B3GAT2: variants seen among roughly 807,000 people sequenced by gnomAD.
B3GAT2 encodes galactosylgalactosylxylosylprotein 3-beta-glucuronosyltransferase 2.
B3GAT2 carries 26 observed loss-of-function variants against 27.8 expected under a neutral mutation model. That is an observed-to-expected ratio of 0.93 (90% CI 0.68 to 1.30). The LOEUF is 1.30. B3GAT2 is among the 50% of genes most tolerant of loss of function. The pLI, the probability that B3GAT2 is intolerant of heterozygous loss-of-function variation, is 0.00. For missense variants in B3GAT2, 458 were observed against 459.0 expected (o/e 1.00, Z 0.02); for synonymous variants, 218 against 195.1 (o/e 1.12, Z -0.98).
At chr6:70,952,990 C>G (rs986567431) in intron 1 of B3GAT2, among the ~76,000 whole-genome samples, 1 of 152,162 alleles carries the variant, frequency 6.6e-6, no homozygotes, top group African/African-American at 2.4e-5. Flanking sequence ...CCAATACTTA[C>G]GGAGCTAATT....
At chr6:70,919,921 ACTG>A (rs1006297620) in intron 1 of B3GAT2, among the ~76,000 whole-genome samples, 1 of 152,100 alleles carries the variant, frequency 6.6e-6, no homozygotes, top group Non-Finnish European at 1.5e-5. Flanking sequence ...TGGGAGAACC[ACTG>A]CTTTCTTCAG....
chr6:70,937,273 CAA>C (rs1386950497), intron 1 of B3GAT2, among the ~76,000 whole-genome samples: 3 of 150,944 alleles, frequency 2.0e-5, no homozygotes, highest in Non-Finnish European at 3.0e-5. Flanking sequence ...GCTTACCAAC[CAA>C]AAAGAGTCCA....
At chr6:70,954,837 A>G (rs1339573528) in intron 1 of B3GAT2, among the ~76,000 whole-genome samples, 1 of 142,024 alleles carries the variant, frequency 7.0e-6, no homozygotes, top group East Asian at 2.2e-4. Context: ...TCTCATTTGC[A>G]GGCTACACAC....
At chr6:70,936,611 G>A (rs1028215209) in intron 1 of B3GAT2, among the ~76,000 whole-genome samples, 4 of 151,916 alleles carry the variant, frequency 2.6e-5, no homozygotes, top group African/African-American at 7.3e-5. Flanking sequence ...ACTCAAAACC[G>A]CTCAGCTACA....
Position 70,861,381 on chromosome 6 carries a change from T to TATC in B3GAT2, c.*279_*281dup, listed in dbSNP as rs1582332357. ...AGAAAAAATATATACTCAAGAGTGG[T>TATC]ATCTTGCAGTATCGGCACTGTACAA... On this transcript the variant is annotated 3_prime_UTR_variant, in exon 4 of 4. Coordinates refer to ENST00000230053, the MANE Select transcript of B3GAT2 (RefSeq NM_080742.3). 1.1e-5 allele frequency: 4 copies of TATC among 359,630 alleles called. No homozygotes were observed. In the East Asian group the frequency reaches 1.9e-4, roughly 17 times the overall value. The allele number at this position is 359,630 out of a possible 1,614,324, so 22.3% of individuals were successfully genotyped here.
chr6:70,857,025 C>T lies in B3GAT2; in HGVS notation c.*4638G>A. The T allele has an allele frequency of 6.2e-7, 1 of 1,600,986 alleles. No homozygotes were observed. Among genetic ancestry groups the T allele is most frequent in the Non-Finnish European group, 8.5e-7 (1 of 1,173,658 alleles). On this transcript the variant is annotated 3_prime_UTR_variant, in exon 4 of 4. Coordinates refer to ENST00000230053, the MANE Select transcript of B3GAT2 (RefSeq NM_080742.3). ...ACAGGAACCATTCAACAGCAAAGTA[C>T]TCCTGGTAATGAATTTTGATATCTG...
Position 70,860,026 on chromosome 6 carries a change from G to C in B3GAT2, c.*1637C>G. On this transcript the variant is annotated 3_prime_UTR_variant, in exon 4 of 4. Coordinates refer to ENST00000230053, the MANE Select transcript of B3GAT2 (RefSeq NM_080742.3). Reference sequence around the variant, plus strand: ...AAACTGTATCTAGAAAGTAGATAAAGAAGGGAACAAAGTAGCTATTTGCTT... The same window carrying C: ...AAACTGTATCTAGAAAGTAGATAAACAAGGGAACAAAGTAGCTATTTGCTT... 1 of 602,484 alleles carries C rather than the reference G, an allele frequency of 1.7e-6. No individual in the cohort carries two copies. 37.3% of individuals were successfully genotyped at this position (602,484 alleles called of 1,614,324 possible). A position where few individuals can be genotyped will look rare whatever the true frequency, so the allele number is the denominator to read the frequency against.
intron 2 of B3GAT2, among the ~76,000 whole-genome samples, chr6:70,866,140 A>G (rs946254441): frequency 1.3e-5 from 2 of 152,226 alleles, no homozygotes; most frequent in Non-Finnish European, 2.9e-5. Context: ...ACTGGCAAGG[A>G]GCAGGTGAAT....
intron 1 of B3GAT2, among the ~76,000 whole-genome samples, chr6:70,933,850 C>T (rs189261619): frequency 5.3e-5 from 8 of 152,240 alleles, no homozygotes; most frequent in East Asian, 1.9e-4. Context: ...TTCTGAGAGA[C>T]GTACAAATAG....
At chr6:70,914,043 A>AT (rs1352127220) in intron 1 of B3GAT2, among the ~76,000 whole-genome samples, 1 of 151,974 alleles carries the variant, frequency 6.6e-6, no homozygotes, top group Non-Finnish European at 1.5e-5. Flanking sequence ...TACTTGGTAG[A>AT]TTTTTCTTTA....
rs1472098468 is a variant in B3GAT2 at position 70,861,155 on chromosome 6, A to G, written c.*508T>C. On this transcript the variant is annotated 3_prime_UTR_variant, in exon 4 of 4. Coordinates refer to ENST00000230053, the MANE Select transcript of B3GAT2 (RefSeq NM_080742.3). ...AAAATGTTATTTCCCTACATTAAAC[A>G]TGACTCCATAGACCTTTTCATTTGT... 6.1e-6 allele frequency: 1 copy of G among 163,058 alleles called. No individual in the cohort carries two copies. Among genetic ancestry groups the G allele is most frequent in the Non-Finnish European group, 1.3e-5 (1 of 75,226 alleles). 10.1% of individuals were successfully genotyped at this position (163,058 alleles called of 1,614,324 possible).
Position 70,857,880 on chromosome 6 carries a change from C to T in B3GAT2, c.*3783G>A, listed in dbSNP as rs765080833. The T allele has an allele frequency of 8.2e-6, 13 of 1,591,634 alleles. No individual in the cohort carries two copies. Among genetic ancestry groups the T allele is most frequent in the South Asian group, 3.4e-5 (3 of 87,442 alleles). ...GATTATAGAGATGAGTGCAACTACA[C>T]GTGATAGCTCTGTCTTCATTCATTT... is the stretch of plus-strand genomic sequence containing the variant. On this transcript the variant is annotated 3_prime_UTR_variant, in exon 4 of 4. Transcript: ENST00000230053.
At chr6:70,941,312 A>C (rs557079548) in intron 1 of B3GAT2, among the ~76,000 whole-genome samples, 1 of 152,302 alleles carries the variant, frequency 6.6e-6, no homozygotes, top group East Asian at 1.9e-4. Context: ...TGGAAAGAAC[A>C]AGGCAAAAAG....
intron 1 of B3GAT2, among the ~76,000 whole-genome samples, chr6:70,931,587 G>A (rs1773064041): frequency 6.6e-6 from 1 of 152,090 alleles, no homozygotes; most frequent in African/African-American, 2.4e-5. Flanking sequence ...TCATTCAACG[G>A]AAGAAAGAAG....
intron 1 of B3GAT2, among the ~76,000 whole-genome samples, chr6:70,923,346 T>C (rs1025598389): frequency 1.3e-5 from 2 of 152,222 alleles, no homozygotes; most frequent in Non-Finnish European, 2.9e-5. Context: ...CTTTGATGCA[T>C]GTTTAGTGTC....
chr6:70,885,892 G>A (rs982023475), intron 2 of B3GAT2, among the ~76,000 whole-genome samples: 1 of 152,182 alleles, frequency 6.6e-6, no homozygotes, highest in Non-Finnish European at 1.5e-5. Context: ...ACCCAAGGAT[G>A]AGTGATTCTT....
intron 1 of B3GAT2, among the ~76,000 whole-genome samples, chr6:70,949,226 G>A (rs1765539900): frequency 6.6e-6 from 1 of 151,758 alleles, no homozygotes; most frequent in South Asian, 2.1e-4. Context: ...AAACTAAAGA[G>A]CTTCTGCACA....
chr6:70,884,171 T>A (rs545415351), intron 2 of B3GAT2, among the ~76,000 whole-genome samples: 58 of 151,496 alleles, frequency 3.8e-4, no homozygotes, highest in African/African-American at 1.4e-3. Context: ...CTATATGGTC[T>A]CTTTGCTCCT....
intron 1 of B3GAT2, among the ~76,000 whole-genome samples, chr6:70,926,972 G>T (rs916330773): frequency 2.0e-5 from 3 of 152,154 alleles, no homozygotes; most frequent in African/African-American, 7.2e-5. Flanking sequence ...ACTAACAGCA[G>T]ATCTCTCAGC....
Sources: gnomAD v4.1 joint callset for allele counts (sites outside exome capture counted in the v4.1 genomes callset) on GRCh38, gnomAD v4.1.1 for gene constraint, MANE v1.5 for transcripts, NCBI Gene and HGNC (gene_info 2026-07-23, HGNC 2026-07-21) for gene names.